PTPRT: variants seen among roughly 807,000 people sequenced by gnomAD.
PTPRT encodes the protein receptor-type tyrosine-protein phosphatase T.
In PTPRT, 56 loss-of-function variants were observed where a neutral mutation model predicts 176.8. The ratio of observed to expected loss-of-function variants is 0.32; its 90% CI spans 0.26 to 0.40. PTPRT has a LOEUF of 0.40. Ranked by LOEUF, PTPRT falls within the 10% of genes least tolerant of loss-of-function variation. The pLI is 1.00. For synonymous variants in PTPRT, 783 were observed against 739.0 expected (o/e 1.06, Z -0.96); for missense variants, 1,540 against 1,908.2 (o/e 0.81, Z 3.60).
chr20:42,789,813 A>G (rs2077346937), intron 3 of PTPRT, among the ~76,000 whole-genome samples: 1 of 152,364 alleles, frequency 6.6e-6, no homozygotes, highest in South Asian at 2.1e-4. Context: ...TCTCGTTACC[A>G]AGGCAAAAGG....
At chr20:42,312,544 T>C (rs1363515611) in intron 12 of PTPRT, among the ~76,000 whole-genome samples, 1 of 152,166 alleles carries the variant, frequency 6.6e-6, no homozygotes, top group Non-Finnish European at 1.5e-5. Flanking sequence ...GCCAGAAAAG[T>C]ACAGCCTTCT....
At chr20:42,547,985 C>G (rs1444432481) in intron 7 of PTPRT, among the ~76,000 whole-genome samples, 2 of 151,846 alleles carry the variant, frequency 1.3e-5, no homozygotes, top group Non-Finnish European at 2.9e-5. Context: ...ATAACAAAAA[C>G]TATAATATGT....
chr20:42,570,912 A>G (rs180952945), intron 7 of PTPRT, among the ~76,000 whole-genome samples: 37 of 141,988 alleles, frequency 2.6e-4, no homozygotes, highest in African/African-American at 9.5e-4. Context: ...ACATATTCAC[A>G]GATTCTGGGG....
intron 1 of PTPRT, among the ~76,000 whole-genome samples, chr20:43,110,545 G>A (rs1267903605): frequency 6.6e-6 from 1 of 152,192 alleles, no homozygotes; most frequent in East Asian, 1.9e-4. Context: ...GGCTTCCTGG[G>A]TAAAGACGCT....
At chr20:43,130,212 G>T (rs561915093) in intron 1 of PTPRT, among the ~76,000 whole-genome samples, 24 of 152,292 alleles carry the variant, frequency 1.6e-4, no homozygotes, top group Non-Finnish European at 4.4e-5. Context: ...TGAACCACAT[G>T]GGTTTATGGG....
At chr20:42,432,801 C>T (rs548733856) in intron 9 of PTPRT, among the ~76,000 whole-genome samples, 2 of 152,306 alleles carry the variant, frequency 1.3e-5, no homozygotes, top group South Asian at 2.1e-4. Context: ...TAAGCCCTCA[C>T]TTCAGGATAT....
chr20:42,932,926 T>C (rs1171752066), intron 1 of PTPRT, among the ~76,000 whole-genome samples: 2 of 152,200 alleles, frequency 1.3e-5, no homozygotes, highest in Non-Finnish European at 2.9e-5. Flanking sequence ...GTCCTCATCT[T>C]TGCAGCATTG....
intron 9 of PTPRT, among the ~76,000 whole-genome samples, chr20:42,399,199 G>T (rs2058880755): frequency 6.6e-6 from 1 of 152,272 alleles, no homozygotes. Flanking sequence ...GCCTCTTGCT[G>T]AGAAGAGTGG....
chr20:43,048,467 G>A (rs1290124392), intron 1 of PTPRT, among the ~76,000 whole-genome samples: 1 of 152,086 alleles, frequency 6.6e-6, no homozygotes, highest in Non-Finnish European at 1.5e-5. Context: ...TGGCAACCCG[G>A]ATTTGGCAAT....
intron 11 of PTPRT, among the ~76,000 whole-genome samples, chr20:42,329,570 CG>C (rs1423243602): frequency 6.6e-6 from 1 of 151,424 alleles, no homozygotes; most frequent in Non-Finnish European, 1.5e-5. Context: ...ATTCAATAAA[CG>C]GTGTGGAGGA....
chr20:42,829,165 G>T (rs1054679341), intron 2 of PTPRT, among the ~76,000 whole-genome samples: 2 of 152,186 alleles, frequency 1.3e-5, no homozygotes, highest in East Asian at 3.9e-4. Flanking sequence ...CGGAGTCAAA[G>T]TAGATTATTT....
intron 12 of PTPRT, among the ~76,000 whole-genome samples, chr20:42,308,621 ACT>A (rs1480460180): frequency 6.6e-6 from 1 of 152,130 alleles, no homozygotes; most frequent in Non-Finnish European, 1.5e-5. Context: ...TGTCTAATTT[ACT>A]CTCTCCCGAT....
At position 42,099,553 on chromosome 20, in the gene PTPRT, G is replaced by GA. The variant is rs1568928184; in HGVS notation, c.3715-1002_3715-1001insT. On this transcript the variant is annotated intron_variant, in intron 26 of 30. Transcript: ENST00000373187. ...CAGAGAAAATGGCCTGGGCGGGGGG[G>GA]GGGGGGGTGGGGTGGTCTGGCAGCT... 7.0e-5 allele frequency among the ~76,000 whole-genome samples: 5 copies of GA among 71,384 alleles called. 1 individual carries two copies. The highest frequency in any genetic ancestry group is 6.1e-4 in the East Asian group (1 of 1,636). 46.8% of individuals were successfully genotyped at this position (71,384 alleles called of 152,430 possible). A position where few individuals can be genotyped will look rare whatever the true frequency, so the allele number is the denominator to read the frequency against.
intron 1 of PTPRT, among the ~76,000 whole-genome samples, chr20:43,167,998 G>A (rs1459308182): frequency 6.6e-6 from 1 of 152,214 alleles, no homozygotes; most frequent in Non-Finnish European, 1.5e-5. Context: ...ATAAATGTGT[G>A]TTAAGTGGCT....
At chr20:42,965,652 T>A (rs1982248513) in intron 1 of PTPRT, among the ~76,000 whole-genome samples, 1 of 152,184 alleles carries the variant, frequency 6.6e-6, no homozygotes, top group Non-Finnish European at 1.5e-5. Context: ...GATTCAGTAC[T>A]TGCAAAAATA....
rs62204864 is a variant in PTPRT at position 42,467,376 on chromosome 20, G to A, written c.1450+4890C>T. On this transcript the variant is annotated intron_variant, in intron 8 of 30. Coordinates refer to ENST00000373187, the MANE Select transcript of PTPRT (RefSeq NM_007050.6). ...ACCATATGTGACATCATCAGTACTG[G>A]GACTCCCTGACATTATGAACTTCTT... Among the ~76,000 whole-genome samples, 1,213 of 152,088 alleles carry A rather than the reference G, an allele frequency of 8.0e-3. 11 individuals are homozygous for A. Among genetic ancestry groups the A allele is most frequent in the Middle Eastern group, 0.014 (4 of 294 alleles).
chr20:42,612,376 A>AC (rs1313552816), intron 7 of PTPRT, among the ~76,000 whole-genome samples: 4 of 151,632 alleles, frequency 2.6e-5, no homozygotes, highest in African/African-American at 4.8e-5. Flanking sequence ...GGGGAGAAAC[A>AC]CCCCCCACCC....
intron 7 of PTPRT, among the ~76,000 whole-genome samples, chr20:42,605,938 A>G (rs7263077): frequency 0.27 from 40,914 of 152,190 alleles, 7,920 homozygotes; most frequent in African/African-American, 0.55. Context: ...ACGATCCTTC[A>G]TGAGCCTGAT....
chr20:42,613,223 G>A (rs928959076), intron 7 of PTPRT, among the ~76,000 whole-genome samples: 5 of 152,186 alleles, frequency 3.3e-5, no homozygotes, highest in Non-Finnish European at 7.3e-5. Flanking sequence ...CTGGCAGTGA[G>A]CACTTTTTCA....
Sources: allele counts gnomAD v4.1 joint callset (sites outside exome capture counted in the v4.1 genomes callset), GRCh38; gene constraint gnomAD v4.1.1; transcripts MANE v1.5; gene names NCBI Gene and HGNC (gene_info 2026-07-23, HGNC 2026-07-21).